Variants in TMCC2 observed in about 807,000 individuals in gnomAD.
The protein encoded by TMCC2 is transmembrane and coiled-coil domain family 2, also known as transmembrane and coiled-coil domains protein 2.
A neutral mutation model predicts 49.4 loss-of-function variants in TMCC2; 16 were observed. That is an observed-to-expected ratio of 0.32 (90% CI 0.22 to 0.49). The LOEUF (loss-of-function observed/expected upper bound fraction) is 0.49. Ranked by LOEUF, TMCC2 falls within the 20% of genes least tolerant of loss-of-function variation. The pLI, the probability that TMCC2 is intolerant of heterozygous loss-of-function variation, is 0.99. For missense variants in TMCC2, 762 were observed against 989.8 expected, an observed-to-expected ratio of 0.77 and a Z score of 3.09; for synonymous variants, 397 against 434.1, an observed-to-expected ratio of 0.91 and a Z score of 1.06.
chr1:205,229,729 A>C (rs887320529), intron 1 of TMCC2: 1 of 985,336 alleles, frequency 1.0e-6, no homozygotes, highest in Non-Finnish European at 1.2e-6. Context: ...CAAGTTGCAT[A>C]CATGCTGAGC....
chr1:205,259,946 G>T (rs371593135), intron 2 of TMCC2, among the ~76,000 whole-genome samples: 2 of 152,144 alleles, frequency 1.3e-5, no homozygotes, highest in Non-Finnish European at 2.9e-5. Context: ...TTGAGAGAAC[G>T]TCCCAGCTCT....
At chr1:205,234,750 C>T (rs988831307) in intron 1 of TMCC2, among the ~76,000 whole-genome samples, 1 of 151,818 alleles carries the variant, frequency 6.6e-6, no homozygotes, top group Non-Finnish European at 1.5e-5. Flanking sequence ...GCTTCTGCCT[C>T]CCGGGTTCAA....
rs910295112 is a variant in TMCC2, at chr1:205,228,052, C to T, written c.-513C>T. ...GGGAGGGGGCCGGGCGCGCTGCGGGCTCCGCGGCCGGACCATGCGGGGCAG... is the reference window on the plus strand; with the variant it reads ...GGGAGGGGGCCGGGCGCGCTGCGGGTTCCGCGGCCGGACCATGCGGGGCAG... On this transcript the variant is annotated 5_prime_UTR_variant, in exon 1 of 5. Coordinates refer to ENST00000358024, the MANE Select transcript of TMCC2 (RefSeq NM_014858.4). 1.0e-4 allele frequency: 15 copies of T among 147,124 alleles called. No homozygotes were observed. The highest frequency in any genetic ancestry group is 2.9e-4 in the African/African-American group (12 of 41,030). 9.1% of individuals were successfully genotyped at this position (147,124 alleles called of 1,614,324 possible). A position where few individuals can be genotyped will look rare whatever the true frequency, so the allele number is the denominator to read the frequency against.
chr1:205,256,144 A>G, intron 2 of TMCC2: 1 of 1,327,006 alleles, frequency 7.5e-7, no homozygotes, highest in Non-Finnish European at 1.0e-6. Flanking sequence ...GGACTACCCA[A>G]TCAACGTGAC....
chr1:205,231,940 AAAT>A (rs139398807), intron 1 of TMCC2, among the ~76,000 whole-genome samples: 3 of 152,078 alleles, frequency 2.0e-5, no homozygotes, highest in Non-Finnish European at 4.4e-5. Flanking sequence ...AAAGGGGCAA[AAAT>A]AATAATAATA....
At chr1:205,238,238 GTTT>G (rs201721271) in intron 1 of TMCC2, among the ~76,000 whole-genome samples, 1 of 146,866 alleles carries the variant, frequency 6.8e-6, no homozygotes, top group Non-Finnish European at 1.5e-5. Context: ...TATGTGCTGA[GTTT>G]TTTTTTTTTA....
intron 2 of TMCC2, among the ~76,000 whole-genome samples, chr1:205,254,790 G>C (rs912394240): frequency 6.6e-6 from 1 of 152,030 alleles, no homozygotes; most frequent in African/African-American, 2.4e-5. Context: ...CCTGATCCCG[G>C]GAAGCACAGA....
chr1:205,229,868 A>C (rs913149823), intron 1 of TMCC2: 22 of 985,290 alleles, frequency 2.2e-5, no homozygotes, highest in Non-Finnish European at 2.4e-5. Context: ...AGCTGAGATA[A>C]ATAATGCACC....
intron 1 of TMCC2, among the ~76,000 whole-genome samples, chr1:205,240,176 C>T (rs1660210957): frequency 6.6e-6 from 1 of 152,222 alleles, no homozygotes; most frequent in Non-Finnish European, 1.5e-5. Context: ...CCCCTCCTTC[C>T]AACAGCTCCA....
At chr1:205,271,527 A>G (rs1661592667) in intron 4 of TMCC2, among the ~76,000 whole-genome samples, 1 of 152,164 alleles carries the variant, frequency 6.6e-6, no homozygotes, top group Non-Finnish European at 1.5e-5. Flanking sequence ...TTCGCAAATG[A>G]GTATTTGGAG....
Position 205,272,256 on chromosome 1 carries a change from C to A in TMCC2, c.*132C>A, listed in dbSNP as rs570381051. 28 of 1,442,566 alleles carry A rather than the reference C, an allele frequency of 1.9e-5. No homozygotes were observed. Among genetic ancestry groups the A allele is most frequent in the Non-Finnish European group, 1.2e-5 (13 of 1,095,312 alleles). 89.4% of individuals were successfully genotyped at this position (1,442,566 alleles called of 1,614,324 possible). A position where few individuals can be genotyped will look rare whatever the true frequency, so the allele number is the denominator to read the frequency against. On this transcript the variant is annotated 3_prime_UTR_variant, in exon 5 of 5. Coordinates refer to ENST00000358024, the MANE Select transcript of TMCC2 (RefSeq NM_014858.4). Reference sequence around the variant, plus strand: ...CTGTCCATTCCAGCAGCTCCTGCCCCCTTCTCTGTACTTGCTTCTGTCTGA... The same window carrying A: ...CTGTCCATTCCAGCAGCTCCTGCCCACTTCTCTGTACTTGCTTCTGTCTGA...
At chr1:205,247,194 T>G (rs1357312076) in intron 2 of TMCC2, among the ~76,000 whole-genome samples, 1 of 152,148 alleles carries the variant, frequency 6.6e-6, no homozygotes, top group Non-Finnish European at 1.5e-5. Context: ...ACCTGTGAAG[T>G]TGGCAGAGCA....
chr1:205,241,480 G>A lies in TMCC2; in HGVS notation c.208-25G>A, dbSNP rs1660260386. On this transcript the variant is annotated intron_variant, in intron 1 of 4. Transcript: ENST00000358024. This position sits in a 1 kb window ranked among gnomAD's most constrained non-coding sequence, Gnocchi z 7.3. The stretch of plus-strand genomic sequence containing the variant: ...GCAATCAAGAGCTTTCCACTCACCA[G>A]GGTTCTTCATCTCTCCCCCTTAAGA... 1.2e-6 allele frequency: 2 copies of A among 1,610,016 alleles called. No homozygotes were observed. Among genetic ancestry groups the A allele is most frequent in the Non-Finnish European group, 1.7e-6 (2 of 1,178,158 alleles).
At chr1:205,239,820 G>A (rs1172158) in intron 1 of TMCC2, among the ~76,000 whole-genome samples, 40,680 of 152,106 alleles carry the variant, frequency 0.27, 7,175 homozygotes, top group Non-Finnish European at 0.39. Context: ...TACAGTTATT[G>A]TATCCAGCTG....
chr1:205,233,124 A>G (rs1254678386), intron 1 of TMCC2, among the ~76,000 whole-genome samples: 1 of 151,740 alleles, frequency 6.6e-6, no homozygotes, highest in African/African-American at 2.4e-5. Flanking sequence ...GAAATTACCA[A>G]CCTCCCCACC....
intron 1 of TMCC2, among the ~76,000 whole-genome samples, chr1:205,238,047 A>T (rs1212900015): frequency 6.6e-6 from 1 of 152,188 alleles, no homozygotes; most frequent in Non-Finnish European, 1.5e-5. Context: ...TCATTTGGCC[A>T]CCAAAATGGT....
chr1:205,255,965 C>T (rs575916280), intron 2 of TMCC2, among the ~76,000 whole-genome samples: 1 of 152,166 alleles, frequency 6.6e-6, no homozygotes, highest in Non-Finnish European at 1.5e-5. Context: ...TATGCTTTGC[C>T]AGGCTTCTTC....
At chr1:205,229,579 GAAGGT>G in intron 1 of TMCC2, 1 of 798,836 alleles carries the variant, frequency 1.3e-6, no homozygotes, top group East Asian at 1.4e-4. Flanking sequence ...GGCGGGGGGG[GAAGGT>G]GGATTTCCTG....
chr1:205,248,011 T>G (rs1172615842), intron 2 of TMCC2, among the ~76,000 whole-genome samples: 1 of 152,166 alleles, frequency 6.6e-6, no homozygotes, highest in Non-Finnish European at 1.5e-5. Flanking sequence ...AGCTCAGCCT[T>G]GGTGATGGTA....
Sources: gnomAD v4.1 joint callset for allele counts (sites outside exome capture counted in the v4.1 genomes callset) on GRCh38, gnomAD v4.1.1 for gene constraint, Gnocchi (gnomAD v3.1) non-coding constraint, MANE v1.5 for transcripts, NCBI Gene and HGNC (gene_info 2026-07-23, HGNC 2026-07-21) for gene names.